Variants in FARS2 observed in about 807,000 individuals in gnomAD.
The protein encoded by FARS2 is phenylalanyl-tRNA synthetase 2, mitochondrial.
FARS2 carries 40 observed loss-of-function variants against 46.4 expected under a neutral mutation model. That is an observed-to-expected ratio of 0.86 (90% CI 0.67 to 1.12). The LOEUF (loss-of-function observed/expected upper bound fraction) is 1.12. FARS2 is among the 50% of genes most tolerant of loss of function. The pLI is 0.00. For synonymous variants in FARS2, 234 were observed against 214.9 expected (o/e 1.09, Z -0.78); for missense variants, 513 against 567.9 (o/e 0.90, Z 0.98).
chr6:5,453,622 G>T (rs773082970), intron 4 of FARS2, among the ~76,000 whole-genome samples: 2 of 152,162 alleles, frequency 1.3e-5, no homozygotes, highest in African/African-American at 2.4e-5. Context: ...AATTGTGAAA[G>T]ATCTCTAGAA....
chr6:5,580,675 T>C (rs536085399), intron 5 of FARS2, among the ~76,000 whole-genome samples: 36 of 152,232 alleles, frequency 2.4e-4, no homozygotes, highest in African/African-American at 8.7e-4. Flanking sequence ...TGTGCAGGGA[T>C]AGTGCTAGGC....
chr6:5,341,188 GATATATATATATATATATATATATATAT>G (rs869067569), intron 1 of FARS2, among the ~76,000 whole-genome samples: 1 of 34,188 alleles, frequency 2.9e-5, no homozygotes, highest in African/African-American at 1.1e-4. Flanking sequence ...GCCATGGGGA[GATATATATATATATATATATATATATAT>G]ATATATATAT....
intron 6 of FARS2, among the ~76,000 whole-genome samples, chr6:5,666,804 A>C (rs1280135694): frequency 6.6e-6 from 1 of 152,246 alleles, no homozygotes; most frequent in African/African-American, 2.4e-5. Context: ...AATAGCAAAG[A>C]CATGGAATCA....
chr6:5,641,794 AC>A (rs1225925699), intron 6 of FARS2, among the ~76,000 whole-genome samples: 1 of 152,216 alleles, frequency 6.6e-6, no homozygotes, highest in Admixed American at 6.5e-5. Context: ...GATCTCATAC[AC>A]CGAGGCCTCT....
At chr6:5,638,237 G>A (rs1180002709) in intron 6 of FARS2, among the ~76,000 whole-genome samples, 1 of 152,214 alleles carries the variant, frequency 6.6e-6, no homozygotes, top group Non-Finnish European at 1.5e-5. Flanking sequence ...CTGGAGGCTT[G>A]CAGAGAGAAT....
intron 4 of FARS2, among the ~76,000 whole-genome samples, chr6:5,462,947 G>A (rs1765323775): frequency 6.6e-6 from 1 of 152,116 alleles, no homozygotes; most frequent in African/African-American, 2.4e-5. Flanking sequence ...TCAGAGCTTG[G>A]CAAACTTTTT....
chr6:5,756,774 T>C (rs776809028), intron 6 of FARS2, among the ~76,000 whole-genome samples: 7 of 152,236 alleles, frequency 4.6e-5, no homozygotes, highest in Admixed American at 3.3e-4. Flanking sequence ...TCTAGAACTT[T>C]CTAAGTCATA....
intron 5 of FARS2, among the ~76,000 whole-genome samples, chr6:5,558,658 T>C (rs9504435): frequency 0.18 from 28,047 of 151,922 alleles, 3,539 homozygotes; most frequent in Admixed American, 0.31. Context: ...TGCCTCAGCC[T>C]CCTGAGTAGC....
chr6:5,671,802 G>A lies in FARS2; in HGVS notation c.1217+58482G>A, dbSNP rs570971984. 5.3e-5 allele frequency among the ~76,000 whole-genome samples: 8 copies of A among 152,300 alleles called. No individual in the cohort carries two copies. In the South Asian group the frequency reaches 6.2e-4, roughly 12 times the overall value. Reference sequence around the variant, plus strand: ...TACCAAAGATGTTACAGGGACACCCGCAGGAGAAATCGCATCAACGCGGGG... The same window carrying A: ...TACCAAAGATGTTACAGGGACACCCACAGGAGAAATCGCATCAACGCGGGG... On this transcript the variant is annotated intron_variant, in intron 6 of 6. Coordinates refer to ENST00000274680, the MANE Select transcript of FARS2 (RefSeq NM_006567.5).
chr6:5,504,987 G>T (rs1026056088), intron 4 of FARS2, among the ~76,000 whole-genome samples: 1 of 152,034 alleles, frequency 6.6e-6, no homozygotes, highest in African/African-American at 2.4e-5. Flanking sequence ...TTTAAAGAAA[G>T]ATTTTAGTTT....
intron 5 of FARS2, among the ~76,000 whole-genome samples, chr6:5,565,482 G>T (rs538265348): frequency 7.6e-4 from 115 of 152,140 alleles, no homozygotes; most frequent in Non-Finnish European, 1.3e-3. Context: ...AACAAAGCAA[G>T]ACAACAATTG....
intron 5 of FARS2, among the ~76,000 whole-genome samples, chr6:5,577,840 C>T (rs1045121639): frequency 6.6e-6 from 1 of 151,992 alleles, no homozygotes; most frequent in Admixed American, 6.6e-5. Context: ...CTCACTCTGT[C>T]GCCCAGGCTG....
chr6:5,539,384 G>GTGTGTATGTGTA, intron 4 of FARS2, among the ~76,000 whole-genome samples: 9 of 79,576 alleles, frequency 1.1e-4, no homozygotes, highest in African/African-American at 3.7e-4. Flanking sequence ...TTTTTTTTGT[G>GTGTGTATGTGTA]TATATATATA....
chr6:5,723,223 G>A (rs781413045), intron 6 of FARS2, among the ~76,000 whole-genome samples: 4 of 152,180 alleles, frequency 2.6e-5, no homozygotes, highest in African/African-American at 7.2e-5. Context: ...ACCCAAGTAC[G>A]TGCCCCTGGG....
intron 4 of FARS2, among the ~76,000 whole-genome samples, chr6:5,537,995 A>G (rs1484006659): frequency 6.6e-6 from 1 of 152,032 alleles, no homozygotes; most frequent in East Asian, 1.9e-4. Context: ...ATGTTCTTGC[A>G]TGGGATGCTC....
chr6:5,622,201 A>G (rs1455830807), intron 6 of FARS2, among the ~76,000 whole-genome samples: 1 of 152,238 alleles, frequency 6.6e-6, no homozygotes, highest in Admixed American at 6.5e-5. Flanking sequence ...CCAGAGCAGG[A>G]AGCCCTCGGC....
intron 2 of FARS2, among the ~76,000 whole-genome samples, chr6:5,399,162 TATTATTATTATTATCATC>T (rs1761095348): frequency 7.6e-6 from 1 of 132,106 alleles, no homozygotes; most frequent in African/African-American, 2.9e-5. Flanking sequence ...TTATTATTAT[TATTATTATTATTATCATC>T]ATCATCATCA....
At chr6:5,692,450 G>C (rs952220018) in intron 6 of FARS2, among the ~76,000 whole-genome samples, 23 of 152,200 alleles carry the variant, frequency 1.5e-4, no homozygotes, top group African/African-American at 5.1e-4. Context: ...TTGGCCTGGG[G>C]TTCCCTTTCC....
chr6:5,411,949 CTT>C (rs1403071604), intron 3 of FARS2, among the ~76,000 whole-genome samples: 3 of 152,178 alleles, frequency 2.0e-5, no homozygotes, highest in African/African-American at 7.2e-5. Flanking sequence ...TTAAATTTCT[CTT>C]TCTGTCCTTG....
Sources: allele counts gnomAD v4.1 joint callset (sites outside exome capture counted in the v4.1 genomes callset), GRCh38; gene constraint gnomAD v4.1.1; transcripts MANE v1.5; gene names NCBI Gene and HGNC (gene_info 2026-07-23, HGNC 2026-07-21).